VPS8: variants seen among roughly 807,000 people sequenced by gnomAD.
VPS8 encodes the protein vacuolar protein sorting-associated protein 8 homolog.
A neutral mutation model predicts 216.4 loss-of-function variants in VPS8; 129 were observed. The observed-to-expected ratio is 0.60, with a 90% confidence interval of 0.52 to 0.69. VPS8 has a LOEUF of 0.69. Ranked by LOEUF, VPS8 falls within the 30% of genes least tolerant of loss-of-function variation. The pLI is 0.00. For missense variants in VPS8, 1,531 were observed against 1,683.5 expected, an observed-to-expected ratio of 0.91 and a Z score of 1.59; for synonymous variants, 571 against 565.4, an observed-to-expected ratio of 1.01 and a Z score of -0.14.
At chr3:185,026,582 T>C (rs1286403776) in intron 46 of VPS8, among the ~76,000 whole-genome samples, 2 of 151,786 alleles carry the variant, frequency 1.3e-5, no homozygotes, top group Non-Finnish European at 2.9e-5. Context: ...CAGCCAGTTT[T>C]TGTATTTTTA....
intron 25 of VPS8, among the ~76,000 whole-genome samples, chr3:184,910,499 CA>C (rs1395319270): frequency 5.3e-5 from 8 of 152,166 alleles, no homozygotes. Context: ...CTCCTCACTC[CA>C]AAACCTTCAG....
intron 45 of VPS8, among the ~76,000 whole-genome samples, chr3:185,011,232 C>A (rs750078775): frequency 8.6e-5 from 13 of 151,742 alleles, no homozygotes; most frequent in Admixed American, 6.6e-5. Flanking sequence ...TATGAAAAAA[C>A]ATTGTTTAGA....
chr3:184,843,663 C>A (rs1165959417), intron 8 of VPS8, among the ~76,000 whole-genome samples: 1 of 152,142 alleles, frequency 6.6e-6, no homozygotes, highest in East Asian at 1.9e-4. Flanking sequence ...CATGCAAAAT[C>A]CTAGATTTTA....
At chr3:185,048,991 G>A (rs183580763) in intron 47 of VPS8, among the ~76,000 whole-genome samples, 1 of 152,336 alleles carries the variant, frequency 6.6e-6, no homozygotes, top group East Asian at 1.9e-4. Context: ...CAAGAGAGAA[G>A]TGTAAATGCA....
chr3:185,008,874 T>C (rs193252269), intron 45 of VPS8, among the ~76,000 whole-genome samples: 100 of 152,276 alleles, frequency 6.6e-4, no homozygotes, highest in African/African-American at 2.2e-3. Context: ...ATATCAAATA[T>C]ATAGTTTCAA....
At chr3:184,933,579 C>G (rs1467948017) in intron 34 of VPS8, among the ~76,000 whole-genome samples, 2 of 151,738 alleles carry the variant, frequency 1.3e-5, no homozygotes, top group East Asian at 1.9e-4. Flanking sequence ...CATTTCCCCC[C>G]CTCTTTATGT....
chr3:184,824,825 AGT>A, intron 2 of VPS8, 40 bp downstream of exon 2: 2 of 1,546,844 alleles, frequency 1.3e-6, no homozygotes, highest in Non-Finnish European at 1.8e-6. Flanking sequence ...ATGTTTAACC[AGT>A]GTAGATTAGA....
chr3:184,825,640 G>A (rs1050088553), intron 2 of VPS8, among the ~76,000 whole-genome samples: 3 of 152,162 alleles, frequency 2.0e-5, no homozygotes, highest in African/African-American at 4.8e-5. Flanking sequence ...GGTGGCTCAC[G>A]CCTGTGATTC....
chr3:185,035,333 G>C (rs913103466), intron 46 of VPS8, among the ~76,000 whole-genome samples: 9 of 152,072 alleles, frequency 5.9e-5, no homozygotes, highest in Admixed American at 2.0e-4. Flanking sequence ...CAATATCCCT[G>C]ATAAACATAG....
chr3:184,913,534 T>C lies in VPS8; in HGVS notation c.2162T>C (p.Met721Thr), dbSNP rs779137834. 5.0e-6 allele frequency: 8 copies of C among 1,589,074 alleles called. No individual in the cohort carries two copies. The highest frequency in any genetic ancestry group is 2.2e-5 in the East Asian group (1 of 44,538). ...TCTATTTTAGATGAACAAGTTGTTA[T>C]GGGCAATAAGCTCCTTGTATATATT... ...GKTLTDEQVV[M>T]GNKLLVYISC... The change falls in exon 26 of 48, where the codon ATG becomes ACG. Residue 721 changes from methionine to threonine, a missense_variant. Coordinates refer to ENST00000625842, the MANE Select transcript of VPS8 (RefSeq NM_001009921.3).
chr3:184,838,080 C>A (rs1721457788), intron 5 of VPS8, among the ~76,000 whole-genome samples: 1 of 152,118 alleles, frequency 6.6e-6, no homozygotes, highest in Non-Finnish European at 1.5e-5. Context: ...TAATTTGATC[C>A]TCAGGACAGC....
intron 40 of VPS8, among the ~76,000 whole-genome samples, chr3:184,972,108 A>G (rs995860479): frequency 1.3e-5 from 2 of 151,870 alleles, no homozygotes; most frequent in African/African-American, 4.8e-5. Context: ...ACTTGTCTGA[A>G]ACTAGGAATC....
chr3:184,870,635 T>A (rs974823868), intron 20 of VPS8, 81 bp from the exon 21 acceptor site: 8 of 998,612 alleles, frequency 8.0e-6, no homozygotes, highest in Non-Finnish European at 1.2e-5. Flanking sequence ...TCTAATTATG[T>A]ATTATTTAGG....
intron 45 of VPS8, among the ~76,000 whole-genome samples, chr3:185,014,228 T>C (rs967264602): frequency 3.9e-5 from 6 of 152,238 alleles, no homozygotes; most frequent in African/African-American, 1.4e-4. Context: ...ACTGGTTGTC[T>C]TGCTTTCCTC....
chr3:184,826,192 A>C lies in VPS8; in HGVS notation c.183A>C (p.Gln61His), dbSNP rs1029837091. Residue 61 changes from glutamine to histidine, a missense_variant, in exon 3 of 48, where the codon CAA becomes CAC. By Grantham distance (24) the Gln-to-His change is conservative. Around this residue, in one of 3 missense-constraint regions of VPS8, gnomAD observed 199 missense variants for 182.2 expected, o/e 1.09. Coordinates refer to ENST00000625842, the MANE Select transcript of VPS8 (RefSeq NM_001009921.3). ...LIDDKEFDIP[Q>H]VDTPPTLESI... ...ATGACAAGGAGTTTGATATTCCTCA[A>C]GTTGATACTCCTCCAACACTGGAAA... 1 of 1,611,594 alleles carries C rather than the reference A, an allele frequency of 6.2e-7. No homozygotes were observed. The highest frequency in any genetic ancestry group is 8.5e-7 in the Non-Finnish European group (1 of 1,178,882).
intron 45 of VPS8, among the ~76,000 whole-genome samples, chr3:185,017,258 A>G (rs1411364172): frequency 1.3e-5 from 2 of 152,158 alleles, no homozygotes; most frequent in Non-Finnish European, 2.9e-5. Context: ...TGTTAAATTG[A>G]GCAGGTTGAA....
At chr3:184,955,213 C>T (rs145763181) in intron 36 of VPS8, among the ~76,000 whole-genome samples, 1,821 of 152,306 alleles carry the variant, frequency 0.012, 40 homozygotes, top group African/African-American at 0.041. Context: ...GCCTAAACCC[C>T]TCCCTGTGGT....
At chr3:185,049,281 C>G (rs1024844431) in intron 47 of VPS8, among the ~76,000 whole-genome samples, 4 of 152,216 alleles carry the variant, frequency 2.6e-5, no homozygotes, top group African/African-American at 9.6e-5. Flanking sequence ...CCACATCAGA[C>G]CGGGTGTCCC....
At chr3:185,019,663 G>C (rs971557142) in intron 45 of VPS8, among the ~76,000 whole-genome samples, 3 of 152,212 alleles carry the variant, frequency 2.0e-5, no homozygotes, top group African/African-American at 7.2e-5. Context: ...TGGGCCAGGT[G>C]TTCCTTGCCC....
Sources: allele counts gnomAD v4.1 joint callset (sites outside exome capture counted in the v4.1 genomes callset), GRCh38; gene constraint gnomAD v4.1.1; regional missense constraint gnomAD v4.1.1; transcripts MANE v1.5; gene names NCBI Gene and HGNC (gene_info 2026-07-23, HGNC 2026-07-21).